The following LSM12 variants were observed in gnomAD, a reference collection of about 807,000 sequenced individuals.
The protein encoded by LSM12 is protein LSM12.
For synonymous variants in LSM12, 74 were observed against 87.3 expected, an observed-to-expected ratio of 0.85 and a Z score of 0.85; for missense variants, 108 against 238.9, an observed-to-expected ratio of 0.45 and a Z score of 3.61.
intron 2 of LSM12, among the ~76,000 whole-genome samples, chr17:44,059,203 C>G (rs2144108377): frequency 6.6e-6 from 1 of 152,288 alleles, no homozygotes; most frequent in South Asian, 2.1e-4. Context: ...CATACACACA[C>G]ACACGAAACA....
upstream of LSM12, chr17:44,066,751 G>A (rs2049886407): frequency 1.1e-6 from 1 of 887,678 alleles, no homozygotes; most frequent in Non-Finnish European, 1.5e-6. Context: ...GAGTGGGAAA[G>A]AAGAGGAAAT....
chr17:44,065,719 T>C (rs900127390), intron 1 of LSM12, among the ~76,000 whole-genome samples: 2 of 152,124 alleles, frequency 1.3e-5, no homozygotes, highest in Admixed American at 6.5e-5. Flanking sequence ...CAAGGCAGCA[T>C]GAGAACTTCA....
chr17:44,056,098 T>C (rs966504150), intron 2 of LSM12, among the ~76,000 whole-genome samples: 3 of 150,448 alleles, frequency 2.0e-5, no homozygotes, highest in Non-Finnish European at 3.0e-5. Flanking sequence ...AGAAACCCCA[T>C]CTCTGCTAAA....
intron 2 of LSM12, among the ~76,000 whole-genome samples, chr17:44,049,115 C>T (rs1001663751): frequency 6.6e-6 from 1 of 152,044 alleles, no homozygotes; most frequent in Non-Finnish European, 1.5e-5. Context: ...CACTTGAACC[C>T]GGGAGACGGA....
intron 2 of LSM12, among the ~76,000 whole-genome samples, chr17:44,060,175 TAAATA>T (rs879690968): frequency 2.0e-5 from 3 of 151,874 alleles, no homozygotes; most frequent in Non-Finnish European, 4.4e-5. Context: ...AAAAAATAAA[TAAATA>T]AAATAAAATA....
chr17:44,044,112 G>A (rs2049530988), intron 2 of LSM12, among the ~76,000 whole-genome samples: 1 of 152,108 alleles, frequency 6.6e-6, no homozygotes, highest in Non-Finnish European at 1.5e-5. Context: ...ACCCCATTTA[G>A]TAAGAGACAA....
chr17:44,053,860 T>C (rs1191803391), intron 2 of LSM12, among the ~76,000 whole-genome samples: 1 of 152,158 alleles, frequency 6.6e-6, no homozygotes, highest in Non-Finnish European at 1.5e-5. Context: ...ACCACTTGTT[T>C]GGTTCCCCTA....
chr17:44,066,766 G>T, upstream of LSM12: 1 of 756,420 alleles, frequency 1.3e-6, no homozygotes, highest in Non-Finnish European at 1.8e-6. Flanking sequence ...GGAAATAAAG[G>T]GGAATCTGAA....
intron 3 of LSM12, among the ~76,000 whole-genome samples, chr17:44,038,939 A>T (rs2049450958): frequency 6.6e-6 from 1 of 152,210 alleles, no homozygotes. Flanking sequence ...AGGGTGGTTA[A>T]ACAGAGTAAC....
Position 44,040,263 on chromosome 17 carries a change from T to C in LSM12, c.259-7A>G. The C allele has an allele frequency of 6.2e-7, 1 of 1,608,004 alleles. No individual in the cohort carries two copies. The highest frequency in any genetic ancestry group is 8.5e-7 in the Non-Finnish European group (1 of 1,174,866). On this transcript the variant is annotated splice_polypyrimidine_tract_variant and splice_region_variant and intron_variant, in intron 2 of 4. Transcript: ENST00000293406. ...TCCGTGCTTTGCTGGCAAGCTAGGG[T>C]GGAAGAGAGGAAAGAGACTCAGAAT...
intron 2 of LSM12, among the ~76,000 whole-genome samples, chr17:44,041,572 T>C (rs1333388314): frequency 6.6e-6 from 1 of 152,182 alleles, no homozygotes; most frequent in Non-Finnish European, 1.5e-5. Context: ...TGTCCTGCTT[T>C]TGAGAAAAAC....
At chr17:44,039,660 C>T (rs1310548492) in intron 3 of LSM12, among the ~76,000 whole-genome samples, 2 of 152,184 alleles carry the variant, frequency 1.3e-5, no homozygotes, top group African/African-American at 2.4e-5. Context: ...GGATTACAGG[C>T]GTGAGCCACC....
At chr17:44,059,101 C>A (rs771757851) in intron 2 of LSM12, among the ~76,000 whole-genome samples, 3 of 151,930 alleles carry the variant, frequency 2.0e-5, no homozygotes, top group Non-Finnish European at 2.9e-5. Context: ...GCCAGGAGTT[C>A]GAAGCTGCAG....
chr17:44,058,538 C>T (rs1355426077), intron 2 of LSM12, among the ~76,000 whole-genome samples: 1 of 149,874 alleles, frequency 6.7e-6, no homozygotes, highest in Non-Finnish European at 1.5e-5. Context: ...CCTGTCTCTA[C>T]AAAAAAAAAC....
chr17:44,051,222 T>C (rs1195225836), intron 2 of LSM12, among the ~76,000 whole-genome samples: 2 of 151,848 alleles, frequency 1.3e-5, no homozygotes, highest in Non-Finnish European at 2.9e-5. Flanking sequence ...CTGGCCAATA[T>C]GGTAAAACCC....
chr17:44,059,880 G>A (rs2049772279), intron 2 of LSM12, among the ~76,000 whole-genome samples: 1 of 152,116 alleles, frequency 6.6e-6, no homozygotes, highest in Non-Finnish European at 1.5e-5. Context: ...TAAAGTTAGA[G>A]TAGGCCGGGT....
intron 2 of LSM12, among the ~76,000 whole-genome samples, chr17:44,050,687 A>C (rs1485150631): frequency 6.6e-6 from 1 of 151,638 alleles, no homozygotes; most frequent in African/African-American, 2.4e-5. Flanking sequence ...CACCCAGCTA[A>C]TTTTTGTATT....
intron 2 of LSM12, among the ~76,000 whole-genome samples, chr17:44,050,252 C>T (rs1042158576): frequency 3.3e-5 from 5 of 151,326 alleles, no homozygotes; most frequent in Admixed American, 2.6e-4. Context: ...GACATGTGGA[C>T]ACCATGCCCG....
At chr17:44,066,673 C>A (rs569278220), upstream of LSM12, 6 of 1,259,948 alleles carry the variant, frequency 4.8e-6, no homozygotes, top group African/African-American at 9.5e-5. Flanking sequence ...CGCGACGGCG[C>A]GCACGGAGCG....
Sources: gnomAD v4.1 joint callset for allele counts (sites outside exome capture counted in the v4.1 genomes callset) on GRCh38, gnomAD v4.1.1 for gene constraint, MANE v1.5 for transcripts, NCBI Gene and HGNC (gene_info 2026-07-23, HGNC 2026-07-21) for gene names.